The following RYR1 variants were observed in gnomAD, a reference collection of about 807,000 sequenced individuals.
RYR1 encodes the protein central core disease of muscle.
In RYR1, 342 loss-of-function variants were observed where a neutral mutation model predicts 583.5. That is an observed-to-expected ratio of 0.59 (90% CI 0.54 to 0.64). The LOEUF is 0.64. RYR1 is among the 30% of genes least tolerant of loss of function. The pLI is 0.00. For missense variants in RYR1, 6,032 were observed against 6,917.2 expected (o/e 0.87, Z 4.54); for synonymous variants, 2,791 against 2,822.5 (o/e 0.99, Z 0.35).
Position 38,543,624 on chromosome 19 carries a change from T to A in RYR1, c.11871T>A (p.Ala3957=), listed in dbSNP as rs781012836. Residue 3957 remains alanine (A), a synonymous_variant, in exon 86 of 106, where the codon GCT becomes GCA. Transcript: ENST00000359596. The surrounding 1 kb of genome is among the most constrained non-coding windows in gnomAD (Gnocchi z 4.4). ...KRNFSKAMSV[A]KQVFNSLTEY... The stretch of plus-strand genomic sequence containing the variant: ...ACTTCTCCAAAGCCATGTCGGTGGC[T>A]AAGCAGGTGTTCAACAGCCTCACTG... The A allele has an allele frequency of 1.9e-6, 3 of 1,614,128 alleles. No individual in the cohort carries two copies. In the South Asian group the frequency reaches 3.3e-5, roughly 18 times the overall value.
rs2145663209 is a variant in RYR1, at chr19:38,512,374, G to T, written c.9363G>T (p.Gln3121His). 1 of 1,614,090 alleles carries T rather than the reference G, an allele frequency of 6.2e-7. No individual in the cohort carries two copies. Among genetic ancestry groups the T allele is most frequent in the South Asian group, 1.1e-5 (1 of 91,086 alleles). The change falls in exon 63 of 106, where the codon CAG (glutamine) becomes CAT (histidine). Residue 3121 changes from glutamine to histidine, a missense_variant. This residue lies in a region of RYR1 where 1,493 missense variants were observed against 1,715.5 expected (regional missense o/e 0.87). Coordinates refer to ENST00000359596, the MANE Select transcript of RYR1 (RefSeq NM_000540.3). This position sits in a 1 kb window ranked among gnomAD's most constrained non-coding sequence, Gnocchi z 5.1. ...RLGKVSQART[Q>H]VKGVGQNLTY... ...GCAAGGTGTCGCAGGCGCGCACCCA[G>T]GTGAAAGGCGTGGGCCAGAACCTCA...
intron 97 of RYR1, 30 bp downstream of exon 97, chr19:38,575,991 G>C (rs779063814): frequency 6.2e-7 from 1 of 1,613,798 alleles, no homozygotes; most frequent in East Asian, 2.2e-5. Context: ...CTGGGTCCTG[G>C]ATTGGGTCCC....
chr19:38,434,181 CA>C (rs1490397901), intron 1 of RYR1, among the ~76,000 whole-genome samples: 2 of 152,276 alleles, frequency 1.3e-5, no homozygotes, highest in Non-Finnish European at 2.9e-5. Flanking sequence ...ATCTTGGAAG[CA>C]GGCACTTGGG....
Position 38,507,796 on chromosome 19 carries a change from G to A in RYR1, c.8901G>A (p.Met2967Ile), listed in dbSNP as rs1970544424. The A allele has an allele frequency of 1.8e-5, 29 of 1,613,566 alleles. No homozygotes were observed. The highest frequency in any genetic ancestry group is 2.5e-5 in the Non-Finnish European group (29 of 1,179,582). The change falls in exon 58 of 106, where the codon ATG (methionine) becomes ATA (isoleucine). Residue 2967 changes from methionine to isoleucine, a missense_variant. Transcript: ENST00000359596. ...TCCTGCAGCAGCTGCTGCGCTGGATGGACATTTCTCAGGAGTTCATTGCCC... is the reference window on the plus strand; with the variant it reads ...TCCTGCAGCAGCTGCTGCGCTGGATAGACATTTCTCAGGAGTTCATTGCCC... The part of the protein sequence containing the change: ...FGFLQQLLRW[M>I]DISQEFIAHL...
intron 97 of RYR1, 125 bp from the exon 98 acceptor site, chr19:38,577,793 C>CAAA (rs111471835): frequency 2.4e-5 from 25 of 1,052,546 alleles, no homozygotes; most frequent in Middle Eastern, 3.4e-4. Context: ...GAGACTGTCT[C>CAAA]AAAAAAAAAA....
At position 38,505,945 on chromosome 19, in the gene RYR1, A is replaced by C; in HGVS notation, c.8540A>C (p.Gln2847Pro). ...KKTRKISQSA[Q>P]TYDPREGYNP... is the part of the protein sequence containing the mutation. ...ACGCGGAAGATATCACAAAGTGCCC[A>C]GGTGAAGGCGGGGCCTGGGTGGAGG... The change falls in exon 54 of 106, where the codon CAG becomes CCG. Residue 2847 changes from glutamine to proline, a missense_variant and splice_region_variant. Physicochemically the swap from Gln to Pro is moderately conservative, Grantham distance 76 (BLOSUM62 -1). This residue lies in a region of RYR1 where 1,493 missense variants were observed against 1,715.5 expected (regional missense o/e 0.87). Coordinates refer to ENST00000359596, the MANE Select transcript of RYR1 (RefSeq NM_000540.3). 1.9e-6 allele frequency: 3 copies of C among 1,605,666 alleles called. No homozygotes were observed. The highest frequency in any genetic ancestry group is 2.6e-6 in the Non-Finnish European group (3 of 1,176,226).
intron 1 of RYR1, among the ~76,000 whole-genome samples, chr19:38,438,387 A>ATT (rs35789428): frequency 0.63 from 92,658 of 146,930 alleles, 29,556 homozygotes; most frequent in East Asian, 0.82. Flanking sequence ...GAGGGCCGTG[A>ATT]TTTTTTTTTT....
rs112021900 is a variant in RYR1 at position 38,509,704 on chromosome 19, G to T, written c.8933-794G>T. On this transcript the variant is annotated intron_variant, in intron 58 of 105. Transcript: ENST00000359596. ...GATCTCCTGACCTCGTGATCCACCC[G>T]CCTCGGCTTCCCAAAGTGCTGGGAT... Among the ~76,000 whole-genome samples, 8 of 151,826 alleles carry T rather than the reference G, an allele frequency of 5.3e-5. No homozygotes were observed. The South Asian group carries it at 1.2e-3, about 24-fold the overall frequency.
chr19:38,506,234 G>A (rs867766816), intron 54 of RYR1, 69 bp from the exon 55 acceptor site: 1 of 1,518,998 alleles, frequency 6.6e-7, no homozygotes, highest in African/African-American at 1.4e-5. Context: ...AGTGGGGCCT[G>A]GGGAGGGGCT....
chr19:38,510,984 C>T (rs767195664), intron 60 of RYR1, among the ~76,000 whole-genome samples: 2 of 152,104 alleles, frequency 1.3e-5, no homozygotes, highest in Admixed American at 6.6e-5. Flanking sequence ...TGGGACAAAT[C>T]GATCACCCTG....
Position 38,458,232 on chromosome 19 carries a change from G to A in RYR1, c.2107G>A (p.Gly703Ser), listed in dbSNP as rs773211015. Reference protein sequence around the residue: ...PYPGAGEGWGGNGVGDDLYSY... With the variant: ...PYPGAGEGWGSNGVGDDLYSY... The stretch of plus-strand genomic sequence containing the variant: ...CCCTGGGGCCGGCGAGGGCTGGGGC[G>A]GCAACGGGGTCGGCGATGACCTCTA... The change falls in exon 18 of 106, where the codon GGC becomes AGC. Residue 703 changes from glycine (G) to serine (S), a missense_variant. Transcript: ENST00000359596. 21 of 1,613,862 alleles carry A rather than the reference G, an allele frequency of 1.3e-5. No individual in the cohort carries two copies. The highest frequency in any genetic ancestry group is 8.0e-5 in the African/African-American group (6 of 74,894).
rs530087090 is a variant in RYR1, at chr19:38,533,326, C to T, written c.11259+590C>T. On this transcript the variant is annotated intron_variant, in intron 78 of 105. Transcript: ENST00000359596. Reference sequence around the variant, plus strand: ...CAAGCATTTACTTCATAGTTTTCTTCACTGTTTCTGTGCCAGAGTCCCTTC... The same window carrying T: ...CAAGCATTTACTTCATAGTTTTCTTTACTGTTTCTGTGCCAGAGTCCCTTC... Among the ~76,000 whole-genome samples the T allele has an allele frequency of 3.3e-5, 5 of 152,324 alleles. No homozygotes were observed. The East Asian group carries it at 9.6e-4, about 29-fold the overall frequency.
intron 72 of RYR1, 93 bp from the exon 73 acceptor site, chr19:38,527,554 C>A: frequency 6.6e-7 from 1 of 1,507,820 alleles, no homozygotes; most frequent in Non-Finnish European, 9.1e-7. Context: ...CATGCACTCA[C>A]CCATTGAGTC....
intron 94 of RYR1, among the ~76,000 whole-genome samples, chr19:38,571,132 A>T (rs1049871088): frequency 2.0e-5 from 3 of 152,208 alleles, no homozygotes; most frequent in African/African-American, 7.2e-5. Context: ...CTCCTGAAGG[A>T]CAAAGGGACC....
In RYR1 at chr19:38,506,307, A is replaced by G. The variant is rs1970446266; in HGVS notation, c.8546A>G (p.Tyr2849Cys). ...TRKISQSAQT[Y>C]DPREGYNPQP... ...ATCTTCCCCTTGTCCTCTCAGACCT[A>G]TGATCCTCGAGAAGGCTACAACCCT... The change falls in exon 55 of 106, where the codon TAT becomes TGT. Residue 2849 changes from tyrosine (Y) to cysteine (C), a missense_variant. By Grantham distance (194) the Tyr-to-Cys change is radical. Around this residue, in one of 11 missense-constraint regions of RYR1, gnomAD observed 1,493 missense variants for 1,715.5 expected, o/e 0.87. Coordinates refer to ENST00000359596, the MANE Select transcript of RYR1 (RefSeq NM_000540.3). The G allele has an allele frequency of 8.7e-6, 14 of 1,613,840 alleles. No individual in the cohort carries two copies. The highest frequency in any genetic ancestry group is 2.2e-5 in the East Asian group (1 of 44,846).
intron 105 of RYR1, 125 bp downstream of exon 105, chr19:38,586,701 C>T (rs1022711819): frequency 4.3e-6 from 4 of 931,738 alleles, no homozygotes; most frequent in East Asian, 2.5e-5. Flanking sequence ...CTGGGCACGG[C>T]GGCTCACGCC....
rs777160622 is a variant in RYR1 at position 38,512,293 on chromosome 19, C to T, written c.9282C>T (p.Ser3094=). The T allele has an allele frequency of 5.0e-6, 8 of 1,614,146 alleles. No homozygotes were observed. The Admixed American group carries it at 1.2e-4, about 24-fold the overall frequency. Residue 3094 remains serine (S), a synonymous_variant, in exon 63 of 106, where the codon TCC becomes TCT. Transcript: ENST00000359596. The surrounding 1 kb of genome is among the most constrained non-coding windows in gnomAD (Gnocchi z 5.1). ...AGATCGTGAAGGCTGGCCTCCGCTCCTTCTTCGAGAGTGCCTCGGAGGACA... is the reference window on the plus strand; with the variant it reads ...AGATCGTGAAGGCTGGCCTCCGCTCTTTCTTCGAGAGTGCCTCGGAGGACA... ...GPEIVKAGLR[S]FFESASEDIE... is the part of the protein sequence containing the mutation.
chr19:38,519,491 C>T (rs376436135), intron 67 of RYR1, 37 bp downstream of exon 67: 136 of 1,565,034 alleles, frequency 8.7e-5, no homozygotes, highest in East Asian at 9.6e-5. Flanking sequence ...CCCTCCGCCC[C>T]GACCTCCCAC....
At position 38,486,465 on chromosome 19, in the gene RYR1, C is replaced by T. The variant is rs12982083; in HGVS notation, c.5547+263C>T. Among the ~76,000 whole-genome samples the T allele has an allele frequency of 0.018, 2,754 of 152,216 alleles. 44 individuals are homozygous for T. Among genetic ancestry groups the T allele is most frequent in the Admixed American group, 0.04 (616 of 15,300 alleles). On this transcript the variant is annotated intron_variant, in intron 34 of 105. Coordinates refer to ENST00000359596, the MANE Select transcript of RYR1 (RefSeq NM_000540.3). The stretch of plus-strand genomic sequence containing the variant: ...TTCAAGCAATTCTCCTGCCTCAGCC[C>T]CCCGAGTAGCGGGGACTACAGGCAT...
Sources: allele counts gnomAD v4.1 joint callset (sites outside exome capture counted in the v4.1 genomes callset), GRCh38; gene constraint gnomAD v4.1.1; regional missense constraint gnomAD v4.1.1; non-coding constraint Gnocchi (gnomAD v3.1); transcripts MANE v1.5; gene names NCBI Gene and HGNC (gene_info 2026-07-23, HGNC 2026-07-21).